Variants in HIGD1C observed in about 807,000 individuals in gnomAD.
HIGD1C encodes the protein HIG1 domain family member 1C.
HIGD1C carries 11 observed loss-of-function variants against 13.1 expected under a neutral mutation model. The observed-to-expected ratio is 0.84, with a 90% CI of 0.53 to 1.39. The LOEUF (loss-of-function observed/expected upper bound fraction) is 1.39. Ranked by LOEUF, HIGD1C falls within the 40% of genes most tolerant of loss-of-function variation. HIGD1C has a pLI of 0.00. For synonymous variants in HIGD1C, 36 were observed against 37.7 expected (o/e 0.95, Z 0.17); for missense variants, 110 against 112.0 (o/e 0.98, Z 0.08).
At chr12:50,963,129 G>C (rs534577204) in intron 2 of HIGD1C, among the ~76,000 whole-genome samples, 4 of 152,028 alleles carry the variant, frequency 2.6e-5, no homozygotes, top group Non-Finnish European at 5.9e-5. Flanking sequence ...CAGCACTTTG[G>C]GAGGCCGAGG....
the HIGD1C span, among the ~76,000 whole-genome samples, chr12:50,946,241 A>C: frequency 1.3e-5 from 2 of 152,364 alleles, no homozygotes; most frequent in African/African-American, 2.4e-5. Flanking sequence ...GGATCTAATT[A>C]AACTAAAGAG....
chr12:50,959,129 T>G (rs1169831511), intron 1 of HIGD1C, among the ~76,000 whole-genome samples: 1 of 152,208 alleles, frequency 6.6e-6, no homozygotes, highest in Admixed American at 6.5e-5. Flanking sequence ...CTTTTTTATT[T>G]TTTTCCTGAG....
chr12:50,960,929 C>T (rs1565958928), intron 1 of HIGD1C, 39 bp from the exon 4 acceptor site: 4 of 1,526,958 alleles, frequency 2.6e-6, no homozygotes, highest in Non-Finnish European at 3.5e-6. Context: ...ATGCTCCTGC[C>T]TCAGCCTTCC....
intron 2 of HIGD1C, among the ~76,000 whole-genome samples, chr12:50,966,470 C>T (rs1463964047): frequency 6.6e-6 from 1 of 152,142 alleles, no homozygotes; most frequent in East Asian, 1.9e-4. Context: ...TAACAGCATC[C>T]CTGGTCTCCA....
At chr12:50,952,152 CAATGTT>C (rs572377611), upstream of HIGD1C, among the ~76,000 whole-genome samples, 421 of 145,410 alleles carry the variant, frequency 2.9e-3, 1 homozygote, top group African/African-American at 0.01. Flanking sequence ...AGAATTATAT[CAATGTT>C]AAGTTTCTGA....
intron 1 of HIGD1C, 118 bp from the exon 4 acceptor site, chr12:50,960,849 AT>A (rs986886472): frequency 0.14 from 86,613 of 612,990 alleles, no homozygotes; most frequent in East Asian, 0.17. Flanking sequence ...TGTGTGGCTA[AT>A]TTTTTTTTTT....
At chr12:50,935,255 T>C in the HIGD1C span, 4 of 152,140 alleles carry the variant, frequency 2.6e-5, no homozygotes, top group Non-Finnish European at 5.9e-5. Flanking sequence ...CCAGAAGCAT[T>C]AGGCTACATT....
intron 2 of HIGD1C, among the ~76,000 whole-genome samples, chr12:50,962,390 A>G (rs895824669): frequency 4.0e-5 from 6 of 151,692 alleles, no homozygotes; most frequent in Admixed American, 1.3e-4. Context: ...CAGCCTGGGC[A>G]ATAAGAGTGA....
chr12:50,967,072 C>T (rs1347178675), intron 2 of HIGD1C, among the ~76,000 whole-genome samples: 1 of 151,690 alleles, frequency 6.6e-6, no homozygotes. Flanking sequence ...CAAGATCACA[C>T]CACTGCACTT....
At chr12:50,932,596 A>T in the HIGD1C span, 1 of 152,174 alleles carries the variant, frequency 6.6e-6, no homozygotes. Context: ...TTAGCTATTT[A>T]AACATGTAAA....
At chr12:50,968,898 C>CT (rs1260214711) in intron 2 of HIGD1C, among the ~76,000 whole-genome samples, 1 of 152,156 alleles carries the variant, frequency 6.6e-6, no homozygotes, top group Non-Finnish European at 1.5e-5. Context: ...AGGCTGGTCT[C>CT]TAACTCCTGG....
chr12:50,945,533 G>A, the HIGD1C span, among the ~76,000 whole-genome samples: 1 of 152,128 alleles, frequency 6.6e-6, no homozygotes, highest in Non-Finnish European at 1.5e-5. Context: ...GGGATGTGAA[G>A]GACCTCTCCA....
At chr12:50,963,369 C>CAAAAAAAAAA (rs35764288) in intron 2 of HIGD1C, among the ~76,000 whole-genome samples, 180 of 72,124 alleles carry the variant, frequency 2.5e-3, no homozygotes, top group Non-Finnish European at 3.3e-3. Context: ...GACTCCATCT[C>CAAAAAAAAAA]AAAAAAAAAA....
intron 2 of HIGD1C, among the ~76,000 whole-genome samples, chr12:50,961,459 C>T (rs73090661): frequency 0.13 from 19,632 of 152,052 alleles, 1,736 homozygotes; most frequent in East Asian, 0.42. Flanking sequence ...GAGCAGCGAT[C>T]GTATTTCCCA....
At chr12:50,960,686 A>ATT (rs60135812) in intron 1 of HIGD1C, among the ~76,000 whole-genome samples, 1 of 147,354 alleles carries the variant, frequency 6.8e-6, no homozygotes, top group Non-Finnish European at 1.5e-5. Flanking sequence ...TAACCCATAC[A>ATT]TTTTTTTTTT....
chr12:50,952,038 T>G (rs1436913841), upstream of HIGD1C, among the ~76,000 whole-genome samples: 1 of 148,686 alleles, frequency 6.7e-6, no homozygotes, highest in East Asian at 2.0e-4. Context: ...TATATGATCC[T>G]AATTGGATGC....
At chr12:50,934,458 T>C in the HIGD1C span, among the ~76,000 whole-genome samples, 1 of 152,234 alleles carries the variant, frequency 6.6e-6, no homozygotes, top group Non-Finnish European at 1.5e-5. Context: ...TTGACTTCAT[T>C]CAACAGATAT....
upstream of HIGD1C, chr12:50,949,425 G>A (rs912161122): frequency 6.6e-6 from 1 of 151,242 alleles, no homozygotes; most frequent in Non-Finnish European, 1.5e-5. Context: ...AGACTGCCCT[G>A]GTTATTCTAA....
chr12:50,940,905 T>C, the HIGD1C span, among the ~76,000 whole-genome samples: 1 of 151,826 alleles, frequency 6.6e-6, no homozygotes, highest in Non-Finnish European at 1.5e-5. Flanking sequence ...AGTGCAGTGA[T>C]ACGATCACAG....
Sources: allele counts gnomAD v4.1 joint callset (sites outside exome capture counted in the v4.1 genomes callset), GRCh38; gene constraint gnomAD v4.1.1; transcripts MANE v1.5; gene names NCBI Gene and HGNC (gene_info 2026-07-23, HGNC 2026-07-21).